PVT1: variants seen among roughly 807,000 people sequenced by gnomAD.
PVT1 encodes CXCR4/PVT1 fusion.
intron 3 of PVT1, among the ~76,000 whole-genome samples, chr8:127,925,785 G>T (rs904465491): frequency 6.6e-6 from 1 of 152,082 alleles, no homozygotes; most frequent in African/African-American, 2.4e-5. Flanking sequence ...GGGACTATAG[G>T]CATACACCAC....
chr8:127,846,484 C>T (rs1372635044), intron 2 of PVT1, among the ~76,000 whole-genome samples: 2 of 152,230 alleles, frequency 1.3e-5, no homozygotes, highest in Non-Finnish European at 2.9e-5. Context: ...CATGTTCCCT[C>T]AGGCTGAAGC....
intron 2 of PVT1, among the ~76,000 whole-genome samples, chr8:127,847,573 A>G (rs1210988511): frequency 6.6e-6 from 1 of 152,256 alleles, no homozygotes; most frequent in Non-Finnish European, 1.5e-5. Context: ...GACTGGGAGT[A>G]ACTCAAACAT....
At chr8:128,009,195 C>G (rs1019414799) in intron 4 of PVT1, among the ~76,000 whole-genome samples, 1 of 152,050 alleles carries the variant, frequency 6.6e-6, no homozygotes, top group Non-Finnish European at 1.5e-5. Flanking sequence ...AAAATATTGT[C>G]CTTCAACAAA....
At chr8:127,928,069 A>G (rs1010866260) in intron 3 of PVT1, among the ~76,000 whole-genome samples, 1 of 152,194 alleles carries the variant, frequency 6.6e-6, no homozygotes, top group African/African-American at 2.4e-5. Context: ...ATTTAATCAG[A>G]CACTTAAGTC....
intron 2 of PVT1, among the ~76,000 whole-genome samples, chr8:127,812,410 CA>C (rs1814607945): frequency 6.6e-6 from 1 of 151,878 alleles, no homozygotes; most frequent in Admixed American, 6.6e-5. Flanking sequence ...CTCTACAAAA[CA>C]AATTTTTTTT....
At chr8:128,047,325 C>G (rs752534398) in intron 4 of PVT1, among the ~76,000 whole-genome samples, 1 of 152,162 alleles carries the variant, frequency 6.6e-6, no homozygotes, top group Non-Finnish European at 1.5e-5. Flanking sequence ...CCGCTTGATT[C>G]TGAACTAAGT....
Position 128,051,434 on chromosome 8 carries a change from T to C in PVT1, n.913-18726T>C, listed in dbSNP as rs560634218. 2.0e-5 allele frequency among the ~76,000 whole-genome samples: 3 copies of C among 152,360 alleles called. No homozygotes were observed. The East Asian group carries it at 5.8e-4, about 29-fold the overall frequency. ...TCAATGAAGACCTCCTTATGTTTAA[T>C]AAATTACAAATTATTTGGACTTCAT... On this transcript the variant is annotated intron_variant and non_coding_transcript_variant, in intron 4 of 10. Transcript: ENST00000651587.
Position 127,977,262 on chromosome 8 carries a change from C to T in PVT1, n.783-11900C>T, listed in dbSNP as rs980452494. 3.9e-5 allele frequency among the ~76,000 whole-genome samples: 6 copies of T among 152,156 alleles called. No individual in the cohort carries two copies. In the East Asian group the frequency reaches 9.7e-4, roughly 24 times the overall value. On this transcript the variant is annotated intron_variant and non_coding_transcript_variant, in intron 3 of 10. Transcript: ENST00000651587. ...CTGGTGGGCATCTGAATGAGGATGGCCCCCAGGGTGTGTACATTTCCTGGG... is the reference window on the plus strand; with the variant it reads ...CTGGTGGGCATCTGAATGAGGATGGTCCCCAGGGTGTGTACATTTCCTGGG...
intron 3 of PVT1, among the ~76,000 whole-genome samples, chr8:127,941,613 A>T (rs1816351174): frequency 6.6e-6 from 1 of 152,270 alleles, no homozygotes. Context: ...CTCTAGTGGT[A>T]GAAATGTCAT....
At chr8:127,863,336 T>A (rs976128431) in intron 2 of PVT1, among the ~76,000 whole-genome samples, 4 of 152,174 alleles carry the variant, frequency 2.6e-5, no homozygotes, top group African/African-American at 9.6e-5. Context: ...GGTCTCGAAC[T>A]CCTGATCTCA....
intron 5 of PVT1, among the ~76,000 whole-genome samples, chr8:128,073,639 C>G (rs1814027795): frequency 6.6e-6 from 1 of 152,170 alleles, no homozygotes. Flanking sequence ...TAGCCCTCCT[C>G]ATGCGCCAAC....
chr8:127,953,007 G>A (rs7007478), intron 3 of PVT1, among the ~76,000 whole-genome samples: 89,144 of 151,802 alleles, frequency 0.59, 27,543 homozygotes, highest in Middle Eastern at 0.68. Context: ...CTCGTGATCC[G>A]CCCGCCTTGG....
chr8:127,860,092 C>T (rs955422397), intron 2 of PVT1, among the ~76,000 whole-genome samples: 12 of 152,150 alleles, frequency 7.9e-5, no homozygotes, highest in Admixed American at 3.3e-4. Context: ...CTACCAGGAA[C>T]GGTGTGTGTG....
At chr8:127,824,612 T>G (rs1814767006) in intron 2 of PVT1, among the ~76,000 whole-genome samples, 1 of 152,214 alleles carries the variant, frequency 6.6e-6, no homozygotes. Flanking sequence ...ATTGCTGCAT[T>G]TTTCTTTTTT....
At chr8:127,796,783 A>G (rs1332991815) in intron 2 of PVT1, among the ~76,000 whole-genome samples, 1 of 151,008 alleles carries the variant, frequency 6.6e-6, no homozygotes, top group Non-Finnish European at 1.5e-5. Flanking sequence ...TTTGTTTTAT[A>G]TCAGGTGGCC....
At chr8:127,889,434 AC>A (rs1380163600) in intron 2 of PVT1, among the ~76,000 whole-genome samples, 1 of 145,890 alleles carries the variant, frequency 6.9e-6, no homozygotes, top group Non-Finnish European at 1.5e-5. Context: ...CCAGCCTCAA[AC>A]CCTTTTCCTG....
At chr8:127,895,472 C>CAAAT (rs34734882) in intron 3 of PVT1, among the ~76,000 whole-genome samples, 11,894 of 151,630 alleles carry the variant, frequency 0.078, 492 homozygotes, top group Middle Eastern at 0.13. Flanking sequence ...CTCCATCTCC[C>CAAAT]AAATAAATAA....
chr8:128,005,873 G>A lies in PVT1; in HGVS notation n.912+16582G>A, dbSNP rs147184498. Among the ~76,000 whole-genome samples the A allele has an allele frequency of 5.6e-3, 852 of 152,238 alleles. 16 individuals are homozygous for A. The East Asian group carries it at 0.072, about 13-fold the overall frequency. Reference sequence around the variant, plus strand: ...AATGCCAGCACTTTGGGAGGCCAAGGCAGGCAGATTACTTGAGGTCAGGAG... The same window carrying A: ...AATGCCAGCACTTTGGGAGGCCAAGACAGGCAGATTACTTGAGGTCAGGAG... On this transcript the variant is annotated intron_variant and non_coding_transcript_variant, in intron 4 of 10. Transcript: ENST00000651587.
chr8:127,933,804 G>A (rs1171370386), intron 3 of PVT1, among the ~76,000 whole-genome samples: 1 of 152,206 alleles, frequency 6.6e-6, no homozygotes, highest in South Asian at 2.1e-4. Flanking sequence ...TGGGGATGTT[G>A]CCTCCATAGC....
Sources: allele counts gnomAD v4.1 joint callset (sites outside exome capture counted in the v4.1 genomes callset), GRCh38; gene constraint gnomAD v4.1.1; transcripts MANE v1.5; gene names NCBI Gene and HGNC (gene_info 2026-07-23, HGNC 2026-07-21).